Variants in FIG4 observed in about 807,000 individuals in gnomAD.
The protein encoded by FIG4 is polyphosphoinositide phosphatase.
In FIG4, 112 loss-of-function variants were observed where a neutral mutation model predicts 118.6. The observed-to-expected ratio is 0.94, with a 90% confidence interval of 0.81 to 1.11. FIG4 has a LOEUF of 1.11. Among genes scored for constraint, FIG4 ranks in the 50% least tolerant of loss-of-function variants. FIG4 has a pLI of 0.00. For synonymous variants in FIG4, 369 were observed against 381.2 expected (o/e 0.97, Z 0.37); for missense variants, 969 against 1,111.7 (o/e 0.87, Z 1.83).
intron 9 of FIG4, 171 bp from the exon 10 acceptor site, chr6:109,743,504 T>G: frequency 1.5e-6 from 1 of 677,060 alleles, no homozygotes; most frequent in South Asian, 1.7e-5. Flanking sequence ...CATTCAAATG[T>G]AATAAATACA....
chr6:109,733,859 T>A (rs1047113256), intron 5 of FIG4, among the ~76,000 whole-genome samples: 3 of 152,070 alleles, frequency 2.0e-5, no homozygotes, highest in African/African-American at 7.2e-5. Context: ...GTTTTGTCTG[T>A]ATTTTTATAC....
Position 109,691,367 on chromosome 6 carries a change from T to A in FIG4, c.-69T>A. ...CTTGATGTCCAGGGCCTGAGGGGTT[T>A]TCTCGCCGAGTCTCCTGGGGCGGTC... is the stretch of plus-strand genomic sequence containing the variant. On this transcript the variant is annotated 5_prime_UTR_variant, in exon 1 of 23. Transcript: ENST00000230124. The A allele has an allele frequency of 7.5e-7, 1 of 1,339,422 alleles. No homozygotes were observed. Among genetic ancestry groups the A allele is most frequent in the South Asian group, 1.3e-5 (1 of 79,860 alleles). 83.0% of individuals were successfully genotyped at this position (1,339,422 alleles called of 1,614,324 possible). A position where few individuals can be genotyped will look rare whatever the true frequency, so the allele number is the denominator to read the frequency against.
chr6:109,787,071 A>G (rs1777985762), intron 18 of FIG4, among the ~76,000 whole-genome samples: 1 of 152,066 alleles, frequency 6.6e-6, no homozygotes, highest in Non-Finnish European at 1.5e-5. Flanking sequence ...TTTTCAGGGT[A>G]AATATCCTTC....
chr6:109,751,240 A>G (rs531886489), intron 10 of FIG4, among the ~76,000 whole-genome samples: 2 of 152,174 alleles, frequency 1.3e-5, no homozygotes, highest in African/African-American at 4.8e-5. Context: ...GAAAATGGCA[A>G]ATTTTTATAA....
At chr6:109,757,826 G>A (rs1256691175) in intron 10 of FIG4, among the ~76,000 whole-genome samples, 1 of 152,094 alleles carries the variant, frequency 6.6e-6, no homozygotes, top group Non-Finnish European at 1.5e-5. Context: ...ATAATAGACA[G>A]AGAGTCAAAT....
intron 1 of FIG4, among the ~76,000 whole-genome samples, chr6:109,692,984 G>A (rs1042047607): frequency 4.6e-5 from 7 of 152,150 alleles, no homozygotes; most frequent in East Asian, 3.9e-4. Context: ...GCATCTGGCC[G>A]TAAATAAAAC....
intron 16 of FIG4, among the ~76,000 whole-genome samples, chr6:109,781,070 C>T: frequency 6.6e-6 from 1 of 152,100 alleles, no homozygotes; most frequent in Non-Finnish European, 1.5e-5. Flanking sequence ...TTTCTGTTTC[C>T]CTAGGGAGAG....
chr6:109,691,468 G>C lies in FIG4; in HGVS notation c.33G>C (p.Ser11=), dbSNP rs527523781. ...CGGCCGCCGCCCCCATCATCAGCTC[G>C]GTCCAGAAGCTGGTTCTGTATGAGA... The part of the protein sequence containing the change: MPTAAAPIIS[S]VQKLVLYETR... Residue 11 remains serine (S), a synonymous_variant, in exon 1 of 23, where the codon TCG becomes TCC. Transcript: ENST00000230124. 65 of 1,587,112 alleles carry C rather than the reference G, an allele frequency of 4.1e-5. No individual in the cohort carries two copies. Among genetic ancestry groups the C allele is most frequent in the Admixed American group, 1.2e-4 (7 of 56,500 alleles).
intron 8 of FIG4, among the ~76,000 whole-genome samples, chr6:109,742,532 T>C (rs1357601566): frequency 6.6e-6 from 1 of 152,086 alleles, no homozygotes; most frequent in African/African-American, 2.4e-5. Flanking sequence ...CAGTGAAAAT[T>C]GTTACAGCTG....
intron 1 of FIG4, among the ~76,000 whole-genome samples, chr6:109,713,006 G>A (rs763956462): frequency 2.0e-5 from 3 of 152,248 alleles, no homozygotes; most frequent in Admixed American, 6.5e-5. Flanking sequence ...GGGGGCCAAC[G>A]TTCAGCTGCC....
At chr6:109,737,675 T>A (rs1343470314) in intron 6 of FIG4, among the ~76,000 whole-genome samples, 6 of 152,198 alleles carry the variant, frequency 3.9e-5, no homozygotes, top group African/African-American at 1.4e-4. Context: ...GTAAAACTCA[T>A]TGCTGTTTAA....
At chr6:109,739,488 G>A (rs532582237) in intron 7 of FIG4, among the ~76,000 whole-genome samples, 12 of 152,132 alleles carry the variant, frequency 7.9e-5, no homozygotes, top group African/African-American at 2.9e-4. Context: ...AGAAGTATTT[G>A]TAATGGATTT....
chr6:109,714,938 C>T, intron 1 of FIG4, 140 bp from the exon 2 acceptor site: 1 of 570,172 alleles, frequency 1.8e-6, no homozygotes, highest in South Asian at 2.3e-5. Context: ...CTTTAATCTG[C>T]CAGTTATACA....
At chr6:109,746,695 A>G (rs1277685821) in intron 10 of FIG4, among the ~76,000 whole-genome samples, 1 of 152,182 alleles carries the variant, frequency 6.6e-6, no homozygotes, top group Admixed American at 6.5e-5. Flanking sequence ...GTCATTAAAC[A>G]TCTTGCATGG....
At chr6:109,792,494 TCA>T (rs1241656500) in intron 20 of FIG4, 86 bp from the exon 21 acceptor site, 26 of 809,538 alleles carry the variant, frequency 3.2e-5, no homozygotes, top group South Asian at 2.2e-4. Flanking sequence ...GTGGAAAAAT[TCA>T]CAGTTTCATT....
At chr6:109,772,582 G>T (rs757101986) in intron 15 of FIG4, among the ~76,000 whole-genome samples, 1 of 152,030 alleles carries the variant, frequency 6.6e-6, no homozygotes, top group Non-Finnish European at 1.5e-5. Flanking sequence ...TCAGCCTTCC[G>T]AGTAGCTGGC....
chr6:109,770,717 T>G (rs1583709351), intron 15 of FIG4, among the ~76,000 whole-genome samples: 1 of 152,186 alleles, frequency 6.6e-6, no homozygotes, highest in East Asian at 1.9e-4. Context: ...GCCACACACT[T>G]TTAAACAACC....
chr6:109,771,629 C>T (rs777413601), intron 15 of FIG4, among the ~76,000 whole-genome samples: 8 of 151,876 alleles, frequency 5.3e-5, no homozygotes, highest in Admixed American at 2.0e-4. Flanking sequence ...CCACCGCGCC[C>T]GGCTAATTTT....
At chr6:109,754,761 G>C (rs1307435612) in intron 10 of FIG4, among the ~76,000 whole-genome samples, 2 of 152,136 alleles carry the variant, frequency 1.3e-5, no homozygotes, top group Non-Finnish European at 2.9e-5. Context: ...ATGGTAGTTT[G>C]TATTTCTGTG....
Sources: allele counts gnomAD v4.1 joint callset (sites outside exome capture counted in the v4.1 genomes callset), GRCh38; gene constraint gnomAD v4.1.1; transcripts MANE v1.5; gene names NCBI Gene and HGNC (gene_info 2026-07-23, HGNC 2026-07-21).